SPMIP3: variants seen among roughly 807,000 people sequenced by gnomAD.
SPMIP3 encodes protein SPMIP3.
At chr1:244,387,583 C>T in the SPMIP3 span, among the ~76,000 whole-genome samples, 1 of 152,024 alleles carries the variant, frequency 6.6e-6, no homozygotes, top group Non-Finnish European at 1.5e-5. Context: ...GCTGTGTGGC[C>T]CTGGGCAATG....
chr1:244,371,656 G>C, the SPMIP3 span, among the ~76,000 whole-genome samples: 19 of 152,170 alleles, frequency 1.2e-4, no homozygotes, highest in Admixed American at 6.5e-5. Flanking sequence ...GCAGGTGTTT[G>C]TTTGTATGCA....
the SPMIP3 span, among the ~76,000 whole-genome samples, chr1:244,380,600 T>C: frequency 6.6e-6 from 1 of 152,040 alleles, no homozygotes; most frequent in African/African-American, 2.4e-5. Context: ...AGCTAGGCGG[T>C]AGGAGAAGCA....
the SPMIP3 span, among the ~76,000 whole-genome samples, chr1:244,372,659 G>A: frequency 3.9e-5 from 6 of 152,068 alleles, no homozygotes; most frequent in Non-Finnish European, 7.4e-5. Flanking sequence ...TAGCCAGGAT[G>A]GTCTCGAACT....
chr1:244,386,363 G>A, the SPMIP3 span, among the ~76,000 whole-genome samples: 16 of 152,094 alleles, frequency 1.1e-4, no homozygotes, highest in Non-Finnish European at 2.1e-4. Context: ...AACAATAACT[G>A]CATTTTGTCT....
the SPMIP3 span, among the ~76,000 whole-genome samples, chr1:244,383,277 C>T: frequency 9.9e-5 from 15 of 152,134 alleles, no homozygotes; most frequent in Non-Finnish European, 1.3e-4. Flanking sequence ...TTTGGGGGAC[C>T]GAGGTGGGAG....
the SPMIP3 span, among the ~76,000 whole-genome samples, chr1:244,368,926 G>A: frequency 0.01 from 1,546 of 152,320 alleles, 34 homozygotes; most frequent in African/African-American, 0.035. Context: ...TATGGCAGGC[G>A]AGGCAGGCGG....
the SPMIP3 span, among the ~76,000 whole-genome samples, chr1:244,373,332 T>TTATATATATATATGTATATATATA: frequency 1.2e-5 from 1 of 85,148 alleles, no homozygotes; most frequent in Admixed American, 1.1e-4. Flanking sequence ...CAAAAAAAAA[T>TTATATATATATATGTATATATATA]TATATATATA....
the SPMIP3 span, among the ~76,000 whole-genome samples, chr1:244,385,502 A>C: frequency 6.6e-6 from 1 of 152,184 alleles, no homozygotes; most frequent in Non-Finnish European, 1.5e-5. Context: ...TTACCCTTGT[A>C]TTACTCACCC....
the SPMIP3 span, among the ~76,000 whole-genome samples, chr1:244,371,638 T>A: frequency 6.6e-6 from 1 of 152,240 alleles, no homozygotes; most frequent in African/African-American, 2.4e-5. Flanking sequence ...TTTACTCACC[T>A]GTATTCAGCA....
the SPMIP3 span, among the ~76,000 whole-genome samples, chr1:244,369,556 A>G: frequency 6.6e-6 from 1 of 152,154 alleles, no homozygotes; most frequent in Admixed American, 6.6e-5. Flanking sequence ...TAGGCTAAAG[A>G]AAGAGAAAAT....
the SPMIP3 span, among the ~76,000 whole-genome samples, chr1:244,375,715 A>T: frequency 6.6e-6 from 1 of 151,876 alleles, no homozygotes; most frequent in Non-Finnish European, 1.5e-5. Flanking sequence ...CCCAGGCTGG[A>T]GTGCAGTGGC....
At chr1:244,366,898 A>G in the SPMIP3 span, among the ~76,000 whole-genome samples, 1 of 152,160 alleles carries the variant, frequency 6.6e-6, no homozygotes, top group Non-Finnish European at 1.5e-5. Context: ...GAAAGAAAGA[A>G]AAACTAAACA....
chr1:244,373,886 G>A, the SPMIP3 span, among the ~76,000 whole-genome samples: 1 of 152,032 alleles, frequency 6.6e-6, no homozygotes, highest in South Asian at 2.1e-4. Flanking sequence ...GGCCAAGGTG[G>A]GCGGATCACT....
the SPMIP3 span, among the ~76,000 whole-genome samples, chr1:244,357,534 C>A: frequency 5.3e-5 from 8 of 151,588 alleles, no homozygotes; most frequent in Non-Finnish European, 1.0e-4. Flanking sequence ...CATGGTGAAA[C>A]CTTGTCTCTA....
chr1:244,365,148 T>C, the SPMIP3 span, among the ~76,000 whole-genome samples: 3 of 152,206 alleles, frequency 2.0e-5, no homozygotes, highest in Non-Finnish European at 4.4e-5. Context: ...TGAAGTACGA[T>C]AACACCAATG....
chr1:244,362,763 TAAGGTAA>T, the SPMIP3 span, among the ~76,000 whole-genome samples: 1 of 151,834 alleles, frequency 6.6e-6, no homozygotes, highest in Non-Finnish European at 1.5e-5. Flanking sequence ...GCAAAATTCC[TAAGGTAA>T]ATGGTAAAAA....
At chr1:244,361,163 G>C in the SPMIP3 span, among the ~76,000 whole-genome samples, 2 of 151,418 alleles carry the variant, frequency 1.3e-5, no homozygotes, top group African/African-American at 4.8e-5. Flanking sequence ...GAAGAAAAAA[G>C]ATCAGTGTTT....
At chr1:244,367,651 T>C in the SPMIP3 span, among the ~76,000 whole-genome samples, 1 of 152,254 alleles carries the variant, frequency 6.6e-6, no homozygotes, top group South Asian at 2.1e-4. Context: ...AGCCCAGCCT[T>C]AGGCCTCCAG....
the SPMIP3 span, among the ~76,000 whole-genome samples, chr1:244,362,658 G>A: frequency 1.3e-5 from 2 of 151,966 alleles, no homozygotes; most frequent in Non-Finnish European, 2.9e-5. Flanking sequence ...CAGGTCACAT[G>A]GGTCTCAGTC....
Sources: gnomAD v4.1 joint callset for allele counts (sites outside exome capture counted in the v4.1 genomes callset) on GRCh38, gnomAD v4.1.1 for gene constraint, MANE v1.5 for transcripts, NCBI Gene and HGNC (gene_info 2026-07-23, HGNC 2026-07-21) for gene names.